The following LRRIQ1 variants were observed in gnomAD, a reference collection of about 807,000 sequenced individuals.
LRRIQ1 encodes leucine-rich repeat- and IQ domain-containing protein 1.
LRRIQ1 carries 210 observed loss-of-function variants against 211.9 expected under a neutral mutation model. That is an observed-to-expected ratio of 0.99 (90% CI 0.89 to 1.11). The LOEUF (loss-of-function observed/expected upper bound fraction) is 1.11. Among genes scored for constraint, LRRIQ1 ranks in the 50% most tolerant of loss-of-function variants. LRRIQ1 has a pLI of 0.00. For synonymous variants in LRRIQ1, 699 were observed against 650.1 expected, an observed-to-expected ratio of 1.08 and a Z score of -1.14; for missense variants, 2,136 against 1,939.5, an observed-to-expected ratio of 1.10 and a Z score of -1.90.
chr12:85,193,097 T>C (rs1379529387), intron 24 of LRRIQ1, among the ~76,000 whole-genome samples: 1 of 120,766 alleles, frequency 8.3e-6, no homozygotes, highest in Non-Finnish European at 1.6e-5. Context: ...ATTATATATA[T>C]TTATATATAA....
chr12:85,105,878 C>A (rs1414594226), intron 14 of LRRIQ1, among the ~76,000 whole-genome samples: 1 of 146,286 alleles, frequency 6.8e-6, no homozygotes, highest in Non-Finnish European at 1.5e-5. Flanking sequence ...CTCATTGCAA[C>A]CTCCATCTCC....
intron 10 of LRRIQ1, among the ~76,000 whole-genome samples, chr12:85,070,130 C>T (rs1031426779): frequency 1.3e-5 from 2 of 151,906 alleles, no homozygotes; most frequent in East Asian, 1.9e-4. Context: ...TAGTTAAAAA[C>T]GGTTTGATTA....
intron 24 of LRRIQ1, among the ~76,000 whole-genome samples, chr12:85,177,864 T>C (rs1229301671): frequency 6.6e-6 from 1 of 152,058 alleles, no homozygotes; most frequent in Admixed American, 6.6e-5. Context: ...ACAGAGATGG[T>C]AACTTAGACC....
rs757788232 is a variant in LRRIQ1 at position 85,121,918 on chromosome 12, A to G, written c.3557+42A>G. On this transcript the variant is annotated intron_variant, in intron 16 of 26. Transcript: ENST00000393217. ...CCCATTGATGTATTTAGAATCAATA[A>G]TGTAATTTATAAATGTGATTTTAAA... is the stretch of plus-strand genomic sequence containing the variant. 14 of 1,405,770 alleles carry G rather than the reference A, an allele frequency of 1.0e-5. No individual in the cohort carries two copies. The South Asian group carries it at 1.8e-4, about 18-fold the overall frequency. 87.1% of individuals were successfully genotyped at this position (1,405,770 alleles called of 1,614,324 possible).
chr12:85,177,837 C>G (rs1347214120), intron 24 of LRRIQ1, among the ~76,000 whole-genome samples: 1 of 152,020 alleles, frequency 6.6e-6, no homozygotes, highest in East Asian at 1.9e-4. Flanking sequence ...GTCAAAAGAT[C>G]ATGGCAGTGG....
Position 85,153,043 on chromosome 12 carries a change from G to A in LRRIQ1, c.4439G>A (p.Trp1480Ter). 1 of 1,558,118 alleles carries A rather than the reference G, an allele frequency of 6.4e-7. No homozygotes were observed. The highest frequency in any genetic ancestry group is 8.7e-7 in the Non-Finnish European group (1 of 1,145,556). The change falls in exon 21 of 27, where the codon TGG (tryptophan) becomes TAG (stop). Residue 1480 changes from tryptophan (W) to a stop codon, truncating the protein, a stop_gained. Transcript: ENST00000393217. LOFTEE classifies it high-confidence loss of function. ...HWPKIPGNLK[W>*]DDTSFNLPSN... ...GAAAAGATTCCTGGAAACTTAAAAT[G>A]GGATGATACTTCATTTAATTTACCA... is the stretch of plus-strand genomic sequence containing the variant.
chr12:85,251,220 G>A (rs1215977383), intron 1 of LRRIQ1, among the ~76,000 whole-genome samples: 1 of 150,776 alleles, frequency 6.6e-6, no homozygotes, highest in East Asian at 2.0e-4. Context: ...GAGAAATTGA[G>A]GAAAAGCATA....
At chr12:85,039,197 A>T (rs1431290417) in intron 2 of LRRIQ1, among the ~76,000 whole-genome samples, 1 of 151,264 alleles carries the variant, frequency 6.6e-6, no homozygotes, top group Non-Finnish European at 1.5e-5. Flanking sequence ...TTTATATTTT[A>T]TTATACCTTT....
downstream of LRRIQ1, among the ~76,000 whole-genome samples, chr12:85,266,533 A>G (rs1896424592): frequency 6.6e-6 from 1 of 152,124 alleles, no homozygotes; most frequent in South Asian, 2.1e-4. Context: ...CCCAAACCAA[A>G]AGTTAAACTG....
chr12:85,232,884 A>G (rs1895011806), intron 26 of LRRIQ1, 128 bp downstream of exon 26: 3 of 640,456 alleles, frequency 4.7e-6, no homozygotes, highest in East Asian at 3.0e-5. Context: ...GATAATATCA[A>G]AATATCATGT....
At chr12:85,116,736 T>C (rs1887610843) in intron 15 of LRRIQ1, among the ~76,000 whole-genome samples, 1 of 152,122 alleles carries the variant, frequency 6.6e-6, no homozygotes, top group Non-Finnish European at 1.5e-5. Flanking sequence ...GACCCCAATG[T>C]CTGTTGTTTT....
chr12:85,159,972 C>A (rs1350730137), intron 23 of LRRIQ1, among the ~76,000 whole-genome samples: 1 of 151,900 alleles, frequency 6.6e-6, no homozygotes, highest in African/African-American at 2.4e-5. Context: ...AAATGTAAAT[C>A]ATACTTAGTA....
intron 11 of LRRIQ1, among the ~76,000 whole-genome samples, chr12:85,090,979 T>C (rs945704008): frequency 6.6e-6 from 1 of 152,192 alleles, no homozygotes; most frequent in Non-Finnish European, 1.5e-5. Flanking sequence ...GTTTGACTTA[T>C]GGGGTGGATC....
At chr12:85,196,943 A>G (rs917768446) in intron 24 of LRRIQ1, among the ~76,000 whole-genome samples, 1 of 152,120 alleles carries the variant, frequency 6.6e-6, no homozygotes, top group African/African-American at 2.4e-5. Context: ...CAAAGGGCTA[A>G]TATCCAGAAT....
intron 22 of LRRIQ1, 50 bp downstream of exon 22, chr12:85,153,808 A>G (rs752265497): frequency 8.4e-7 from 1 of 1,187,574 alleles, no homozygotes; most frequent in South Asian, 1.5e-5. Flanking sequence ...GAGATTGCTA[A>G]AAGTCCAAGA....
At chr12:85,073,189 C>T in intron 11 of LRRIQ1, 91 bp downstream of exon 11, 3 of 817,492 alleles carry the variant, frequency 3.7e-6, no homozygotes, top group Non-Finnish European at 5.5e-6. Flanking sequence ...ACCATCATCT[C>T]CTTTATTTTT....
chr12:85,073,965 T>C (rs1883363480), intron 11 of LRRIQ1, among the ~76,000 whole-genome samples: 1 of 152,082 alleles, frequency 6.6e-6, no homozygotes, highest in Non-Finnish European at 1.5e-5. Context: ...CATGCTATAA[T>C]ATTTCTTAAG....
At chr12:85,234,312 T>G (rs576785072) in intron 26 of LRRIQ1, among the ~76,000 whole-genome samples, 1 of 152,312 alleles carries the variant, frequency 6.6e-6, no homozygotes, top group African/African-American at 2.4e-5. Context: ...AGATTACTGA[T>G]CATAATAGGT....
chr12:85,261,643 GAA>G (rs1896291279), intron 1 of LRRIQ1, among the ~76,000 whole-genome samples: 1 of 151,766 alleles, frequency 6.6e-6, no homozygotes, highest in African/African-American at 2.4e-5. Context: ...CAGTACTGAG[GAA>G]GCCCTGGAAT....
Sources: gnomAD v4.1 joint callset for allele counts (sites outside exome capture counted in the v4.1 genomes callset) on GRCh38, gnomAD v4.1.1 for gene constraint, MANE v1.5 for transcripts, NCBI Gene and HGNC (gene_info 2026-07-23, HGNC 2026-07-21) for gene names.